PABPC4L: variants seen among roughly 807,000 people sequenced by gnomAD.
PABPC4L encodes polyadenylate-binding protein 4-like.
For missense variants in PABPC4L, 452 were observed against 451.4 expected (o/e 1.00, Z -0.01); for synonymous variants, 169 against 164.1 (o/e 1.03, Z -0.23).
chr4:133,958,303 C>T, the PABPC4L span, among the ~76,000 whole-genome samples: 1 of 152,172 alleles, frequency 6.6e-6, no homozygotes, highest in East Asian at 1.9e-4. Flanking sequence ...CCAAGAAGTT[C>T]CTCATCTACG....
the PABPC4L span, among the ~76,000 whole-genome samples, chr4:134,082,166 T>C: frequency 1.3e-5 from 2 of 152,192 alleles, no homozygotes; most frequent in Non-Finnish European, 2.9e-5. Context: ...CTTATTACAT[T>C]ATTTTTCATT....
chr4:134,115,908 T>C, the PABPC4L span, among the ~76,000 whole-genome samples: 1 of 151,764 alleles, frequency 6.6e-6, no homozygotes, highest in Non-Finnish European at 1.5e-5. Context: ...GGTGTTTTTA[T>C]AGAATTAAGT....
upstream of PABPC4L, chr4:134,201,869 G>C (rs540846395): frequency 6.6e-6 from 1 of 152,306 alleles, no homozygotes; most frequent in Non-Finnish European, 1.5e-5. Flanking sequence ...ACCCTCCTCA[G>C]ATGGCTAAGC....
chr4:134,103,920 T>C, the PABPC4L span, among the ~76,000 whole-genome samples: 1 of 151,706 alleles, frequency 6.6e-6, no homozygotes, highest in Non-Finnish European at 1.5e-5. Context: ...TGCTTTTTAA[T>C]CAATTTTTTC....
At chr4:134,064,307 GT>G in the PABPC4L span, among the ~76,000 whole-genome samples, 1 of 151,944 alleles carries the variant, frequency 6.6e-6, no homozygotes, top group East Asian at 1.9e-4. Flanking sequence ...TGAGATTTGG[GT>G]TTACAAAGAG....
the PABPC4L span, among the ~76,000 whole-genome samples, chr4:134,085,815 T>C: frequency 0.14 from 21,224 of 152,150 alleles, 1,833 homozygotes; most frequent in East Asian, 0.44. Flanking sequence ...TTGATATGCA[T>C]ATGTGTTCTT....
chr4:134,126,704 G>A, the PABPC4L span, among the ~76,000 whole-genome samples: 1 of 152,090 alleles, frequency 6.6e-6, no homozygotes. Context: ...ACAGAGCAGT[G>A]TGAAGAGGCC....
the PABPC4L span, among the ~76,000 whole-genome samples, chr4:134,046,274 A>G: frequency 6.6e-6 from 1 of 152,124 alleles, no homozygotes; most frequent in African/African-American, 2.4e-5. Flanking sequence ...TGTGTCACAA[A>G]TAAGTTCAAG....
chr4:134,099,686 C>T, the PABPC4L span, among the ~76,000 whole-genome samples: 2 of 151,680 alleles, frequency 1.3e-5, no homozygotes, highest in East Asian at 1.9e-4. Flanking sequence ...TGGAAATAAG[C>T]TTGACATTCA....
chr4:134,031,603 T>A, the PABPC4L span, among the ~76,000 whole-genome samples: 1 of 151,976 alleles, frequency 6.6e-6, no homozygotes, highest in South Asian at 2.1e-4. Flanking sequence ...GAGAAGATGA[T>A]GCAGAAATGC....
At chr4:134,176,917 A>C in the PABPC4L span, among the ~76,000 whole-genome samples, 7 of 152,104 alleles carry the variant, frequency 4.6e-5, no homozygotes, top group African/African-American at 1.7e-4. Context: ...GCAACTCACA[A>C]GTCCAAGGAA....
At chr4:134,119,893 T>C in the PABPC4L span, among the ~76,000 whole-genome samples, 1 of 151,770 alleles carries the variant, frequency 6.6e-6, no homozygotes, top group Admixed American at 6.6e-5. Context: ...CATCTAGTTC[T>C]TGTAGCAGTA....
chr4:134,125,818 A>G, the PABPC4L span, among the ~76,000 whole-genome samples: 1 of 152,120 alleles, frequency 6.6e-6, no homozygotes, highest in African/African-American at 2.4e-5. Context: ...CTAAATTGAT[A>G]AAGACATTCA....
At chr4:134,155,262 A>C in the PABPC4L span, among the ~76,000 whole-genome samples, 1 of 152,056 alleles carries the variant, frequency 6.6e-6, no homozygotes, top group Non-Finnish European at 1.5e-5. Context: ...TTTAAAGTAG[A>C]CTTCTTATTC....
chr4:134,073,384 G>T, the PABPC4L span, among the ~76,000 whole-genome samples: 1 of 152,322 alleles, frequency 6.6e-6, no homozygotes, highest in East Asian at 1.9e-4. Flanking sequence ...TCCAGGTCAC[G>T]CTGATGGAAG....
chr4:134,098,644 T>G, the PABPC4L span, among the ~76,000 whole-genome samples: 1 of 151,684 alleles, frequency 6.6e-6, no homozygotes, highest in Non-Finnish European at 1.5e-5. Flanking sequence ...TAATGGGGTC[T>G]TATGAACATA....
At chr4:134,135,486 C>G in the PABPC4L span, among the ~76,000 whole-genome samples, 2 of 152,050 alleles carry the variant, frequency 1.3e-5, no homozygotes, top group Admixed American at 6.6e-5. Context: ...ATATTAAAGA[C>G]AACTCAATCT....
the PABPC4L span, among the ~76,000 whole-genome samples, chr4:134,072,591 G>C: frequency 1.3e-5 from 2 of 152,062 alleles, no homozygotes; most frequent in Non-Finnish European, 2.9e-5. Context: ...GAATGTATAT[G>C]GTTCTCATAG....
the PABPC4L span, among the ~76,000 whole-genome samples, chr4:134,127,413 A>G: frequency 2.0e-5 from 3 of 152,132 alleles, no homozygotes; most frequent in East Asian, 1.9e-4. Context: ...CTCCACTGCT[A>G]CCTCCACCAG....
Sources: allele counts gnomAD v4.1 joint callset (sites outside exome capture counted in the v4.1 genomes callset), GRCh38; gene constraint gnomAD v4.1.1; transcripts MANE v1.5; gene names NCBI Gene and HGNC (gene_info 2026-07-23, HGNC 2026-07-21).